Variants in PLA2G4C observed in about 807,000 individuals in gnomAD.
The protein encoded by PLA2G4C is phospholipase A2 group IVC.
Under a neutral mutation model 73.8 loss-of-function variants are expected in PLA2G4C, and 64 were observed. The ratio of observed to expected loss-of-function variants is 0.87; its 90% CI spans 0.71 to 1.07. The LOEUF (loss-of-function observed/expected upper bound fraction) is 1.07, where lower values mean the gene tolerates loss of function less well. PLA2G4C is among the 50% of genes least tolerant of loss of function. PLA2G4C has a pLI of 0.00. For synonymous variants in PLA2G4C, 254 were observed against 252.1 expected (o/e 1.01, Z -0.07); for missense variants, 622 against 665.4 (o/e 0.93, Z 0.72).
Position 48,090,174 on chromosome 19 carries a change from G to A in PLA2G4C, c.763+190C>T, listed in dbSNP as rs1035775928. ...TGTACCAGAGCAACATTCCTTCCAA[G>A]GGAGTCTGTACTCTCATCCACTCTG... On this transcript the variant is annotated intron_variant, in intron 8 of 16. Coordinates refer to ENST00000599921, the MANE Select transcript of PLA2G4C (RefSeq NM_003706.3). The A allele has an allele frequency of 5.3e-6, 3 of 571,036 alleles. No individual in the cohort carries two copies. The African/African-American group carries it at 5.6e-5, about 11-fold the overall frequency. 35.4% of individuals were successfully genotyped at this position (571,036 alleles called of 1,614,324 possible). A position where few individuals can be genotyped will look rare whatever the true frequency, so the allele number is the denominator to read the frequency against.
At chr19:48,101,126 A>ATATATATATT (rs1491313107) in intron 4 of PLA2G4C, among the ~76,000 whole-genome samples, 12 of 74,130 alleles carry the variant, frequency 1.6e-4, no homozygotes, top group East Asian at 1.1e-3. Flanking sequence ...ATATATATAT[A>ATATATATATT]TTTTTTTTTT....
At chr19:48,088,827 G>T in intron 8 of PLA2G4C, 115 bp from the exon 9 acceptor site, 2 of 818,690 alleles carry the variant, frequency 2.4e-6, no homozygotes, top group Non-Finnish European at 4.1e-6. Context: ...TGGCAGCCAT[G>T]GGCTCCAATG....
chr19:48,054,989 C>T lies in PLA2G4C; in HGVS notation c.1318G>A (p.Glu440Lys), dbSNP rs370150895. 39 of 1,613,504 alleles carry T rather than the reference C, an allele frequency of 2.4e-5. No homozygotes were observed. The African/African-American group carries it at 3.5e-4, about 14-fold the overall frequency. ...TTGGACCACAAATCCAGCTCAGCCT[C>T]TTCTACTTGGGGAAAGGGGATCTTG... Reference protein sequence around the residue: ...RHKIPFPQVEEAELDLWSKAP... With the variant: ...RHKIPFPQVEKAELDLWSKAP... Residue 440 changes from glutamate (E) to lysine (K), a missense_variant, in exon 15 of 17, where the codon GAG (glutamate) becomes AAG (lysine). Transcript: ENST00000599921.
At position 48,105,933 on chromosome 19, in the gene PLA2G4C, C is replaced by CTTTCTTT. The variant is rs1568457550; in HGVS notation, c.9-490_9-489insAAAGAAA. Among the ~76,000 whole-genome samples, 41 of 12,876 alleles carry CTTTCTTT rather than the reference C, an allele frequency of 3.2e-3. 7 individuals carry two copies. The African/African-American group carries it at 0.041, about 13-fold the overall frequency. 8.4% of individuals were successfully genotyped at this position (12,876 alleles called of 152,430 possible). ...TCCCTCCCTCCCTCCCTCCCTCCCT[C>CTTTCTTT]CCTCCCTCCCTCCCTTCTTTCTTTC... On this transcript the variant is annotated intron_variant, in intron 2 of 16. Coordinates refer to ENST00000599921, the MANE Select transcript of PLA2G4C (RefSeq NM_003706.3).
intron 6 of PLA2G4C, among the ~76,000 whole-genome samples, chr19:48,097,383 G>T (rs182469722): frequency 0.017 from 2,526 of 148,566 alleles, 81 homozygotes; most frequent in African/African-American, 0.059. Context: ...CTCCCGAGCA[G>T]CTGGGACTAC....
At position 48,110,531 on chromosome 19, in the gene PLA2G4C, T is replaced by G. The variant is rs1654377; in HGVS notation, c.-77A>C. On this transcript the variant is annotated 5_prime_UTR_variant, in exon 1 of 17. Coordinates refer to ENST00000599921, the MANE Select transcript of PLA2G4C (RefSeq NM_003706.3). ...GTGTGCGCATGCGCGGTGGAGCTTGTGCTCCGGAATCCGGTGCGGAGGCTT... is the reference window on the plus strand; with the variant it reads ...GTGTGCGCATGCGCGGTGGAGCTTGGGCTCCGGAATCCGGTGCGGAGGCTT... 595 of 1,387,034 alleles carry G rather than the reference T, an allele frequency of 4.3e-4. 2 individuals are homozygous for G. The highest frequency in any genetic ancestry group is 1.9e-3 in the African/African-American group (106 of 55,850). 85.9% of individuals were successfully genotyped at this position (1,387,034 alleles called of 1,614,324 possible).
intron 14 of PLA2G4C, among the ~76,000 whole-genome samples, chr19:48,056,736 A>G (rs1405671282): frequency 1.3e-5 from 2 of 150,912 alleles, no homozygotes; most frequent in Non-Finnish European, 2.9e-5. Context: ...GGAGGCTGAG[A>G]CAGGAGAATC....
chr19:48,057,483 C>CTTCTTTTTTTTTTTTTT (rs1967996620), intron 14 of PLA2G4C, among the ~76,000 whole-genome samples: 6 of 17,916 alleles, frequency 3.3e-4, no homozygotes, highest in Non-Finnish European at 5.4e-4. Context: ...TCTTCTTCTT[C>CTTCTTTTTTTTTTTTTT]TTTTTTTTTT....
chr19:48,076,367 A>C (rs931471369), intron 11 of PLA2G4C, among the ~76,000 whole-genome samples: 1 of 152,198 alleles, frequency 6.6e-6, no homozygotes, highest in Non-Finnish European at 1.5e-5. Flanking sequence ...GCCTGGCTAC[A>C]AAAGGCCTTC....
At chr19:48,057,480 C>CTTTTTTTTTT (rs1260409498) in intron 14 of PLA2G4C, among the ~76,000 whole-genome samples, 702 of 28,014 alleles carry the variant, frequency 0.025, 140 homozygotes, top group Non-Finnish European at 0.029. Flanking sequence ...TCTTCTTCTT[C>CTTTTTTTTTT]TTCTTTTTTT....
Position 48,110,531 on chromosome 19 carries a change from T to TGCTCCGGAATCTGGTGCGGAGGCTTGG in PLA2G4C, c.-78_-77insCCAAGCCTCCGCACCAGATTCCGGAGC, listed in dbSNP as rs2032448906. ...GTGTGCGCATGCGCGGTGGAGCTTG[T>TGCTCCGGAATCTGGTGCGGAGGCTTGG]GCTCCGGAATCCGGTGCGGAGGCTT... On this transcript the variant is annotated 5_prime_UTR_variant, in exon 1 of 17. Coordinates refer to ENST00000599921, the MANE Select transcript of PLA2G4C (RefSeq NM_003706.3). 13 of 1,387,010 alleles carry TGCTCCGGAATCTGGTGCGGAGGCTTGG rather than the reference T, an allele frequency of 9.4e-6. No homozygotes were observed. In the Admixed American group the frequency reaches 2.7e-4, roughly 29 times the overall value. The allele number at this position is 1,387,010 out of a possible 1,614,324, so 85.9% of individuals were successfully genotyped here.
intron 8 of PLA2G4C, 46 bp from the exon 9 acceptor site, chr19:48,088,758 G>A: frequency 1.4e-6 from 2 of 1,394,844 alleles, no homozygotes; most frequent in Non-Finnish European, 2.0e-6. Flanking sequence ...GTACAACAAA[G>A]TCCCTAGTTA....
chr19:48,091,883 CAAA>C (rs35118449), intron 7 of PLA2G4C, among the ~76,000 whole-genome samples: 16 of 21,100 alleles, frequency 7.6e-4, no homozygotes, highest in African/African-American at 2.9e-3. Context: ...GACTCCATCT[CAAA>C]AAAAAAAAAA....
At chr19:48,082,065 AGT>A in intron 10 of PLA2G4C, among the ~76,000 whole-genome samples, 1 of 151,756 alleles carries the variant, frequency 6.6e-6, no homozygotes, top group East Asian at 1.9e-4. Flanking sequence ...TGGGCAACAG[AGT>A]GAGACTGTCA....
At chr19:48,058,395 C>A (rs1247134843) in intron 14 of PLA2G4C, among the ~76,000 whole-genome samples, 2 of 152,124 alleles carry the variant, frequency 1.3e-5, no homozygotes, top group African/African-American at 4.8e-5. Context: ...ACCTTGGCCT[C>A]CCAAAGCACT....
intron 13 of PLA2G4C, among the ~76,000 whole-genome samples, chr19:48,066,865 A>G (rs1968444915): frequency 6.6e-6 from 1 of 151,780 alleles, no homozygotes. Context: ...GCTATTCGGG[A>G]GGCTGAAATG....
chr19:48,101,441 A>T (rs577968105), intron 4 of PLA2G4C, among the ~76,000 whole-genome samples: 17 of 152,070 alleles, frequency 1.1e-4, no homozygotes, highest in African/African-American at 4.1e-4. Context: ...GGGCTCAATA[A>T]AAATTTTTGA....
In PLA2G4C at chr19:48,099,815, G is replaced by T. The variant is rs1188565485; in HGVS notation, c.303C>A (p.Leu101=). ...TAAATCGATGTTTCAGGTCAGCCTCGAGAGCTTCCATGTCACCATCATTGG... is the reference window on the plus strand; with the variant it reads ...TAAATCGATGTTTCAGGTCAGCCTCTAGAGCTTCCATGTCACCATCATTGG... ...LYTNDGDMEA[L]EADLKHRFTR... is the part of the protein sequence containing the mutation. The change falls in exon 5 of 17, where the codon CTC becomes CTA. Residue 101 remains leucine, a synonymous_variant. Transcript: ENST00000599921. 6.2e-7 allele frequency: 1 copy of T among 1,613,870 alleles called. No individual in the cohort carries two copies. Among genetic ancestry groups the T allele is most frequent in the Non-Finnish European group, 8.5e-7 (1 of 1,179,806 alleles).
intron 14 of PLA2G4C, among the ~76,000 whole-genome samples, chr19:48,058,325 A>G (rs891703796): frequency 4.6e-5 from 7 of 150,922 alleles, no homozygotes; most frequent in Non-Finnish European, 8.8e-5. Context: ...TTGTGTGGAG[A>G]TGGGGTCTTG....
Sources: allele counts gnomAD v4.1 joint callset (sites outside exome capture counted in the v4.1 genomes callset), GRCh38; gene constraint gnomAD v4.1.1; transcripts MANE v1.5; gene names NCBI Gene and HGNC (gene_info 2026-07-23, HGNC 2026-07-21).